Variants in ERC2 observed in about 807,000 individuals in gnomAD.
The protein encoded by ERC2 is ELKS/RAB6-interacting/CAST family member 2.
A neutral mutation model predicts 114.8 loss-of-function variants in ERC2; 42 were observed. The observed-to-expected ratio is 0.37, with a 90% CI of 0.29 to 0.47. ERC2 has a LOEUF of 0.47. ERC2 is among the 20% of genes least tolerant of loss of function. ERC2 has a pLI of 0.99. For synonymous variants in ERC2, 454 were observed against 425.5 expected, an observed-to-expected ratio of 1.07 and a Z score of -0.82; for missense variants, 939 against 1,150.7, an observed-to-expected ratio of 0.82 and a Z score of 2.66.
At chr3:55,530,637 G>A (rs1238081019) in intron 17 of ERC2, among the ~76,000 whole-genome samples, 2 of 152,186 alleles carry the variant, frequency 1.3e-5, no homozygotes, top group Admixed American at 6.5e-5. Flanking sequence ...TCAGGAACAA[G>A]TATCTCCAAG....
At chr3:56,043,714 T>G (rs560037098) in intron 7 of ERC2, among the ~76,000 whole-genome samples, 1 of 152,314 alleles carries the variant, frequency 6.6e-6, no homozygotes, top group South Asian at 2.1e-4. Context: ...CTAACTCTAT[T>G]CTAAACTTAT....
At chr3:55,673,022 CTGATA>C (rs2061628454) in intron 17 of ERC2, among the ~76,000 whole-genome samples, 1 of 152,274 alleles carries the variant, frequency 6.6e-6, no homozygotes, top group Non-Finnish European at 1.5e-5. Context: ...ACCTCCTTAT[CTGATA>C]TATTAGATTT....
At chr3:55,671,889 A>G (rs551432672) in intron 17 of ERC2, among the ~76,000 whole-genome samples, 1 of 152,206 alleles carries the variant, frequency 6.6e-6, no homozygotes, top group Non-Finnish European at 1.5e-5. Context: ...GCTGTGAGCA[A>G]TAAGCACAGC....
intron 6 of ERC2, among the ~76,000 whole-genome samples, chr3:56,091,069 T>G (rs938498689): frequency 6.6e-6 from 1 of 152,122 alleles, no homozygotes; most frequent in Admixed American, 6.6e-5. Context: ...GACAATTTGA[T>G]GCACTTTTTC....
At chr3:55,657,282 G>T (rs2060914058) in intron 17 of ERC2, 2 of 151,930 alleles carry the variant, frequency 1.3e-5, no homozygotes, top group African/African-American at 4.8e-5. Flanking sequence ...GCTCTGTAAG[G>T]CAACTTGGCA....
At chr3:56,009,444 T>C (rs1460805532) in intron 9 of ERC2, among the ~76,000 whole-genome samples, 1 of 152,232 alleles carries the variant, frequency 6.6e-6, no homozygotes, top group Non-Finnish European at 1.5e-5. Flanking sequence ...ATCCATTCTT[T>C]TCCTTCTTCA....
Position 55,838,661 on chromosome 3 carries a change from G to C in ERC2, c.2564+49728C>G, listed in dbSNP as rs1473946730. On this transcript the variant is annotated intron_variant, in intron 14 of 17. Coordinates refer to ENST00000288221, the MANE Select transcript of ERC2 (RefSeq NM_015576.3). ...CTAAAATCAAGGAAACAAAAAGTTT[G>C]TTCTTTGAAAAGATCACTTAAGTTG... is the stretch of plus-strand genomic sequence containing the variant. 2.0e-5 allele frequency among the ~76,000 whole-genome samples: 3 copies of C among 151,796 alleles called. 1 individual carries two copies. Among genetic ancestry groups the C allele is most frequent in the Admixed American group, 2.0e-4 (3 of 15,218 alleles).
intron 3 of ERC2, among the ~76,000 whole-genome samples, chr3:56,174,972 G>T (rs2150028766): frequency 2.5e-5 from 1 of 40,282 alleles, no homozygotes; most frequent in East Asian, 1.3e-3. Flanking sequence ...ACGAGACTCT[G>T]TCTAAAAAAA....
At chr3:55,646,266 T>C (rs2060395327) in intron 17 of ERC2, among the ~76,000 whole-genome samples, 1 of 152,210 alleles carries the variant, frequency 6.6e-6, no homozygotes, top group Admixed American at 6.5e-5. Context: ...CCTTTCTGCA[T>C]TGTTCTTGTT....
chr3:56,422,054 G>C (rs757920127), intron 2 of ERC2, among the ~76,000 whole-genome samples: 45 of 152,284 alleles, frequency 3.0e-4, no homozygotes, highest in African/African-American at 1.1e-3. Flanking sequence ...TGGAACAAAA[G>C]ACAAAGCCTG....
chr3:55,714,835 A>T (rs2064017254), intron 15 of ERC2, among the ~76,000 whole-genome samples: 1 of 118,690 alleles, frequency 8.4e-6, no homozygotes, highest in Non-Finnish European at 1.9e-5. Flanking sequence ...CAGGTACAAG[A>T]AATAATAAAA....
chr3:55,813,669 T>C lies in ERC2; in HGVS notation c.2564+74720A>G, dbSNP rs944160283. On this transcript the variant is annotated intron_variant, in intron 14 of 17. Coordinates refer to ENST00000288221, the MANE Select transcript of ERC2 (RefSeq NM_015576.3). The stretch of plus-strand genomic sequence containing the variant: ...CTTCTTCTCAGTACTGGCTATTTTT[T>C]CCCTAACAAATGAAGAAATAAAAAT... Among the ~76,000 whole-genome samples the C allele has an allele frequency of 4.3e-4, 66 of 152,106 alleles. 1 individual carries two copies. Among genetic ancestry groups the C allele is most frequent in the Non-Finnish European group, 1.6e-4 (11 of 68,026 alleles).
At chr3:56,069,640 G>A (rs1003503658) in intron 7 of ERC2, among the ~76,000 whole-genome samples, 1 of 152,136 alleles carries the variant, frequency 6.6e-6, no homozygotes, top group Non-Finnish European at 1.5e-5. Flanking sequence ...AAGCTCAGGG[G>A]TCCATCTTAG....
At chr3:56,334,258 C>T (rs1043013389) in intron 2 of ERC2, among the ~76,000 whole-genome samples, 30 of 152,168 alleles carry the variant, frequency 2.0e-4, no homozygotes, top group South Asian at 2.1e-4. Flanking sequence ...TAAAGGAGGC[C>T]GACTGGCGGA....
At chr3:56,128,008 G>A (rs73072704) in intron 6 of ERC2, among the ~76,000 whole-genome samples, 4,003 of 152,068 alleles carry the variant, frequency 0.026, 99 homozygotes, top group African/African-American at 0.061. Context: ...CCCCGGAGGC[G>A]GAGGTTGCAG....
intron 7 of ERC2, among the ~76,000 whole-genome samples, chr3:56,065,198 ACAT>A (rs1175930030): frequency 6.6e-6 from 1 of 152,138 alleles, no homozygotes; most frequent in African/African-American, 2.4e-5. Context: ...AAATTGTAAA[ACAT>A]CATCAAGACT....
chr3:55,926,464 C>T (rs931387417), intron 13 of ERC2, among the ~76,000 whole-genome samples: 2 of 150,030 alleles, frequency 1.3e-5, no homozygotes, highest in African/African-American at 4.9e-5. Context: ...GAAGGACACA[C>T]AAAGATTTTA....
At chr3:56,249,457 C>T (rs1394663571) in intron 3 of ERC2, among the ~76,000 whole-genome samples, 1 of 152,026 alleles carries the variant, frequency 6.6e-6, no homozygotes, top group Non-Finnish European at 1.5e-5. Flanking sequence ...TCCCGAGTAG[C>T]TGTGACTACA....
chr3:55,589,935 C>T (rs2057789929), intron 17 of ERC2, among the ~76,000 whole-genome samples: 2 of 152,174 alleles, frequency 1.3e-5, no homozygotes, highest in South Asian at 2.1e-4. Flanking sequence ...TACTGCCTTT[C>T]ACTCCCCAGT....
Sources: allele counts gnomAD v4.1 joint callset (sites outside exome capture counted in the v4.1 genomes callset), GRCh38; gene constraint gnomAD v4.1.1; transcripts MANE v1.5; gene names NCBI Gene and HGNC (gene_info 2026-07-23, HGNC 2026-07-21).